Variants in ARHGAP10 observed in about 807,000 individuals in gnomAD.
ARHGAP10 encodes rho GTPase-activating protein 10.
ARHGAP10 carries 87 observed loss-of-function variants against 108.6 expected under a neutral mutation model. The ratio of observed to expected loss-of-function variants is 0.80; its 90% CI spans 0.67 to 0.96. ARHGAP10 has a LOEUF of 0.96. Ranked by LOEUF, ARHGAP10 falls within the 40% of genes least tolerant of loss-of-function variation. The pLI, the probability that ARHGAP10 is intolerant of heterozygous loss-of-function variation, is 0.00. For missense variants in ARHGAP10, 939 were observed against 954.5 expected (o/e 0.98, Z 0.21); for synonymous variants, 347 against 341.1 (o/e 1.02, Z -0.19).
chr4:147,949,787 G>T (rs1468417239), intron 15 of ARHGAP10, among the ~76,000 whole-genome samples: 3 of 152,172 alleles, frequency 2.0e-5, no homozygotes, highest in Non-Finnish European at 2.9e-5. Context: ...AGATGACTCA[G>T]TTATTGGTGG....
At chr4:147,827,738 A>G (rs914052122) in intron 3 of ARHGAP10, among the ~76,000 whole-genome samples, 2 of 152,340 alleles carry the variant, frequency 1.3e-5, no homozygotes, top group Admixed American at 6.5e-5. Flanking sequence ...GGAATGCAAA[A>G]TGACTGTAAA....
intron 1 of ARHGAP10, among the ~76,000 whole-genome samples, chr4:147,736,312 T>C (rs140332537): frequency 1.3e-5 from 2 of 152,334 alleles, no homozygotes; most frequent in African/African-American, 4.8e-5. Context: ...TTTTGCTTTG[T>C]TCCTCTTAGG....
At chr4:147,952,039 A>G (rs1724220216) in intron 15 of ARHGAP10, among the ~76,000 whole-genome samples, 1 of 152,186 alleles carries the variant, frequency 6.6e-6, no homozygotes, top group Non-Finnish European at 1.5e-5. Context: ...TGAAGTCTGT[A>G]TTATTTCACT....
At chr4:147,878,380 C>G (rs1238815364) in intron 8 of ARHGAP10, among the ~76,000 whole-genome samples, 1 of 152,210 alleles carries the variant, frequency 6.6e-6, no homozygotes, top group Non-Finnish European at 1.5e-5. Context: ...CAGGCGTGAG[C>G]CACTGCGCCT....
chr4:148,005,395 G>A (rs1740906362), intron 18 of ARHGAP10, among the ~76,000 whole-genome samples: 1 of 152,004 alleles, frequency 6.6e-6, no homozygotes, highest in African/African-American at 2.4e-5. Flanking sequence ...ACCACCCTGG[G>A]CAACATAGCG....
At chr4:147,762,540 AT>A (rs940222267) in intron 1 of ARHGAP10, among the ~76,000 whole-genome samples, 5 of 150,020 alleles carry the variant, frequency 3.3e-5, no homozygotes, top group Non-Finnish European at 5.9e-5. Context: ...TTATTTATTT[AT>A]TTTTTTTGAG....
intron 18 of ARHGAP10, among the ~76,000 whole-genome samples, chr4:147,979,358 G>A (rs1016677632): frequency 1.3e-5 from 2 of 152,152 alleles, no homozygotes; most frequent in African/African-American, 4.8e-5. Flanking sequence ...TGACTTGGTT[G>A]TAGGTGTACG....
intron 20 of ARHGAP10, among the ~76,000 whole-genome samples, chr4:148,058,763 T>C (rs533386163): frequency 6.6e-6 from 1 of 152,376 alleles, no homozygotes; most frequent in Admixed American, 6.5e-5. Context: ...TAACCACATA[T>C]ACAGCACTGT....
chr4:147,854,882 C>A, intron 4 of ARHGAP10: 2 of 984,978 alleles, frequency 2.0e-6, no homozygotes, highest in Non-Finnish European at 1.2e-6. Context: ...TGGCTAAATT[C>A]TTTCTTCATA....
chr4:147,904,882 C>G (rs964882962), intron 10 of ARHGAP10, among the ~76,000 whole-genome samples: 4 of 152,158 alleles, frequency 2.6e-5, no homozygotes, highest in Non-Finnish European at 5.9e-5. Context: ...TCCACATCCT[C>G]TCCAGCATCT....
chr4:147,791,890 T>A (rs1731140429), intron 1 of ARHGAP10, among the ~76,000 whole-genome samples: 2 of 152,250 alleles, frequency 1.3e-5, no homozygotes, highest in African/African-American at 4.8e-5. Context: ...CAGCCTGTCC[T>A]ACAGTGTCTT....
At position 147,955,323 on chromosome 4, in the gene ARHGAP10, C is replaced by G; in HGVS notation, c.1399C>G (p.Pro467Ala). ...SALKQYLRSL[P>A]EPLMTYELHG... ...GCTGTTCTTTTCACACAGGAGTCTT[C>G]CAGAGCCTCTCATGACCTATGAGTT... The change falls in exon 16 of 23, where the codon CCA becomes GCA. Residue 467 changes from proline (P) to alanine (A), a missense_variant. Coordinates refer to ENST00000336498, the MANE Select transcript of ARHGAP10 (RefSeq NM_024605.4). 6.2e-7 allele frequency: 1 copy of G among 1,611,264 alleles called. No homozygotes were observed. Among genetic ancestry groups the G allele is most frequent in the African/African-American group, 1.3e-5 (1 of 74,918 alleles).
At chr4:147,784,831 AATATATTATAAAAT>A (rs1206697952) in intron 1 of ARHGAP10, among the ~76,000 whole-genome samples, 1 of 54,240 alleles carries the variant, frequency 1.8e-5, no homozygotes, top group Non-Finnish European at 2.9e-5. Context: ...ATATATTATA[AATATATTATAAAAT>A]ATATATTATA....
chr4:147,739,277 T>A (rs1728555845), intron 1 of ARHGAP10, among the ~76,000 whole-genome samples: 1 of 152,126 alleles, frequency 6.6e-6, no homozygotes, highest in Non-Finnish European at 1.5e-5. Context: ...TATTTTTGAT[T>A]CACAAAGATT....
At chr4:147,799,090 A>G (rs1158904600) in intron 1 of ARHGAP10, among the ~76,000 whole-genome samples, 1 of 150,306 alleles carries the variant, frequency 6.7e-6, no homozygotes, top group Middle Eastern at 3.4e-3. Context: ...GCTGGAATGC[A>G]TTGGTGTGAT....
At chr4:147,940,466 C>A (rs1013121529) in intron 14 of ARHGAP10, among the ~76,000 whole-genome samples, 2 of 152,174 alleles carry the variant, frequency 1.3e-5, no homozygotes, top group Admixed American at 1.3e-4. Flanking sequence ...TTACCCCAGA[C>A]ATTATGTGAA....
In ARHGAP10 at chr4:148,047,017, G is replaced by T. The variant is rs1728917465; in HGVS notation, c.1993G>T (p.Asp665Tyr). The change falls in exon 20 of 23, where the codon GAT (aspartate) becomes TAT (tyrosine). Residue 665 changes from aspartate to tyrosine, a missense_variant. Asp to Tyr is a radical substitution (Grantham distance 160). Coordinates refer to ENST00000336498, the MANE Select transcript of ARHGAP10 (RefSeq NM_024605.4). ...PGPDKNHLLADGGSFGDWAST... is the reference protein window; with the variant it reads ...PGPDKNHLLAYGGSFGDWAST... Reference sequence around the variant, plus strand: ...ACCAGACAAAAACCACCTTCTGGCAGATGGAGGGAGCTTTGGAGACTGGGC... The same window carrying T: ...ACCAGACAAAAACCACCTTCTGGCATATGGAGGGAGCTTTGGAGACTGGGC... 2.5e-6 allele frequency: 4 copies of T among 1,614,196 alleles called. No homozygotes were observed. The highest frequency in any genetic ancestry group is 3.4e-6 in the Non-Finnish European group (4 of 1,180,042).
intron 13 of ARHGAP10, among the ~76,000 whole-genome samples, chr4:147,919,041 C>T (rs556059881): frequency 6.6e-6 from 1 of 152,342 alleles, no homozygotes; most frequent in South Asian, 2.1e-4. Flanking sequence ...GAAGGTGGCT[C>T]AGTTCTCCTT....
At chr4:147,762,830 G>C (rs1407174369) in intron 1 of ARHGAP10, among the ~76,000 whole-genome samples, 1 of 151,854 alleles carries the variant, frequency 6.6e-6, no homozygotes, top group South Asian at 2.1e-4. Context: ...ACACCTGGCC[G>C]CTTTTTTATT....
Sources: gnomAD v4.1 joint callset for allele counts (sites outside exome capture counted in the v4.1 genomes callset) on GRCh38, gnomAD v4.1.1 for gene constraint, MANE v1.5 for transcripts, NCBI Gene and HGNC (gene_info 2026-07-23, HGNC 2026-07-21) for gene names.